The following HIVEP3 variants were observed in gnomAD, a reference collection of about 807,000 sequenced individuals.
HIVEP3 encodes transcription factor HIVEP3.
A neutral mutation model predicts 152.8 loss-of-function variants in HIVEP3; 49 were observed. The ratio of observed to expected loss-of-function variants is 0.32; its 90% CI spans 0.26 to 0.41. HIVEP3 has a LOEUF of 0.41. Among genes scored for constraint, HIVEP3 ranks in the 10% least tolerant of loss-of-function variants. The pLI, the probability that HIVEP3 is intolerant of heterozygous loss-of-function variation, is 1.00. For missense variants in HIVEP3, 2,790 were observed against 3,103.3 expected, an observed-to-expected ratio of 0.90 and a Z score of 2.40; for synonymous variants, 1,269 against 1,289.0, an observed-to-expected ratio of 0.98 and a Z score of 0.33.
intron 3 of HIVEP3, among the ~76,000 whole-genome samples, chr1:41,608,981 G>A (rs931098019): frequency 8.6e-5 from 13 of 151,930 alleles, no homozygotes; most frequent in African/African-American, 3.1e-4. Flanking sequence ...TTACTTGGAA[G>A]GTTGAGGCAG....
In HIVEP3 at chr1:41,508,367, G is replaced by C. The variant is rs1644405436; in HGVS notation, c.*2084C>G. On this transcript the variant is annotated 3_prime_UTR_variant, in exon 9 of 9. Coordinates refer to ENST00000372583, the MANE Select transcript of HIVEP3 (RefSeq NM_024503.5). ...AGCCCTGGCCTCCTGGGACTTGGAG[G>C]AGTCACTTTCTGTCAGGCCACTGTC... 1 of 152,302 alleles carries C rather than the reference G, an allele frequency of 6.6e-6. No homozygotes were observed. The highest frequency in any genetic ancestry group is 2.1e-4 in the South Asian group (1 of 4,836). The allele number at this position is 152,302 out of a possible 1,614,324, so 9.4% of individuals were successfully genotyped here.
intron 1 of HIVEP3, among the ~76,000 whole-genome samples, chr1:41,803,259 C>T (rs1413014228): frequency 2.0e-5 from 3 of 152,196 alleles, no homozygotes; most frequent in Admixed American, 6.5e-5. Context: ...TGACAGGCTG[C>T]GGAGTATGTG....
chr1:42,026,339 A>G (rs1645582151), intron 1 of HIVEP3, among the ~76,000 whole-genome samples: 1 of 152,186 alleles, frequency 6.6e-6, no homozygotes, highest in Non-Finnish European at 1.5e-5. Flanking sequence ...TAAAGTCTAT[A>G]TTTATTAGGA....
intron 1 of HIVEP3, among the ~76,000 whole-genome samples, chr1:41,984,951 T>C (rs1468573087): frequency 6.6e-6 from 1 of 151,042 alleles, no homozygotes; most frequent in East Asian, 1.9e-4. Context: ...ATGTAAGAAA[T>C]AAACAAGGCA....
chr1:41,602,658 T>TA (rs1455557948), intron 3 of HIVEP3, among the ~76,000 whole-genome samples: 1 of 152,112 alleles, frequency 6.6e-6, no homozygotes, highest in Admixed American at 6.5e-5. Context: ...TTTGTCAATT[T>TA]AAAAAATCTT....
intron 3 of HIVEP3, among the ~76,000 whole-genome samples, chr1:41,607,288 C>T (rs1281378898): frequency 6.6e-6 from 1 of 152,204 alleles, no homozygotes; most frequent in East Asian, 1.9e-4. Flanking sequence ...TGAGACTTTG[C>T]TCTGCTTTCT....
intron 5 of HIVEP3, among the ~76,000 whole-genome samples, chr1:41,529,132 A>C (rs1569766033): frequency 3.1e-5 from 2 of 64,754 alleles, no homozygotes; most frequent in African/African-American, 1.2e-4. Context: ...GCCCTCACAC[A>C]ACTCACCCTC....
intron 5 of HIVEP3, among the ~76,000 whole-genome samples, chr1:41,534,939 G>A (rs889647905): frequency 5.9e-5 from 9 of 152,192 alleles, no homozygotes; most frequent in Non-Finnish European, 1.2e-4. Flanking sequence ...CTCGCCAGGT[G>A]ACCTTGGGCA....
At chr1:41,653,290 TAAA>T (rs1645579339) in intron 2 of HIVEP3, among the ~76,000 whole-genome samples, 1 of 151,860 alleles carries the variant, frequency 6.6e-6, no homozygotes, top group African/African-American at 2.4e-5. Context: ...CAATTAATCT[TAAA>T]AAGCTGCACA....
intron 1 of HIVEP3, among the ~76,000 whole-genome samples, chr1:41,813,803 AC>A (rs1651105013): frequency 6.6e-6 from 1 of 152,148 alleles, no homozygotes; most frequent in African/African-American, 2.4e-5. Flanking sequence ...GCCAGCCTCG[AC>A]AAGAGACACA....
chr1:41,728,613 C>A (rs767893674), intron 1 of HIVEP3, among the ~76,000 whole-genome samples: 1 of 152,214 alleles, frequency 6.6e-6, no homozygotes, highest in South Asian at 2.1e-4. Context: ...GCCCCACTGA[C>A]AGTTCTCAGA....
chr1:41,666,618 G>A (rs1184880694), intron 2 of HIVEP3, among the ~76,000 whole-genome samples: 1 of 152,160 alleles, frequency 6.6e-6, no homozygotes, highest in Non-Finnish European at 1.5e-5. Context: ...CTTCATGGAT[G>A]TGGGCATCAA....
chr1:41,755,151 T>G (rs1647254803), intron 1 of HIVEP3, among the ~76,000 whole-genome samples: 1 of 152,212 alleles, frequency 6.6e-6, no homozygotes, highest in African/African-American at 2.4e-5. Context: ...TAGTTCCACA[T>G]GGCTACAGCC....
intron 2 of HIVEP3, among the ~76,000 whole-genome samples, chr1:41,652,263 GA>G (rs147803984): frequency 0.013 from 2,021 of 152,286 alleles, 40 homozygotes; most frequent in African/African-American, 0.045. Flanking sequence ...AATCCACAGA[GA>G]AAGAAAATTC....
chr1:41,572,136 T>C lies in HIVEP3; in HGVS notation c.5207+3408A>G, dbSNP rs568165379. On this transcript the variant is annotated intron_variant, in intron 5 of 8. Coordinates refer to ENST00000372583, the MANE Select transcript of HIVEP3 (RefSeq NM_024503.5). ...TGTTGGTGGGAAGTGGAAGGCTTGG[T>C]TTGCACATGCTAAGTGTGAGGTGTG... is the stretch of plus-strand genomic sequence containing the variant. Among the ~76,000 whole-genome samples the C allele has an allele frequency of 3.5e-4, 53 of 152,212 alleles. 1 individual carries two copies. The highest frequency in any genetic ancestry group is 1.3e-3 in the African/African-American group (52 of 41,510).
intron 1 of HIVEP3, among the ~76,000 whole-genome samples, chr1:42,018,791 T>C (rs1645537800): frequency 1.3e-5 from 2 of 152,136 alleles, no homozygotes; most frequent in Admixed American, 1.3e-4. Flanking sequence ...CCTCACTCCA[T>C]TAGTTTCCTC....
At chr1:41,627,059 ATCGGTCCCCGTGCTTCAGCCTGACC>A (rs1318058223) in intron 3 of HIVEP3, among the ~76,000 whole-genome samples, 2 of 152,224 alleles carry the variant, frequency 1.3e-5, no homozygotes, top group African/African-American at 4.8e-5. Context: ...GGGCAGCAGC[ATCGGTCCCCGTGCTTCAGCCTGACC>A]TCAGGGACAC....
At chr1:41,590,275 G>A (rs768123024) in intron 3 of HIVEP3, among the ~76,000 whole-genome samples, 1 of 152,230 alleles carries the variant, frequency 6.6e-6, no homozygotes, top group Non-Finnish European at 1.5e-5. Flanking sequence ...CAGGGATTGT[G>A]GCAGAGACTG....
In HIVEP3 at chr1:41,918,356, A is replaced by T. The variant is rs2124473116; in HGVS notation, c.-801+57T>A. ...CGGCCTCAGGCAAAAACACAATCAC[A>T]AGGTAAAATACAGCGCAAGGAATCC... On this transcript the variant is annotated intron_variant, in intron 1 of 8. Transcript: ENST00000372583. The surrounding 1 kb of genome is among the most constrained non-coding windows in gnomAD (Gnocchi z 4.3). 1 of 152,388 alleles carries T rather than the reference A, an allele frequency of 6.6e-6. No individual in the cohort carries two copies. The highest frequency in any genetic ancestry group is 1.9e-4 in the East Asian group (1 of 5,176). The allele number at this position is 152,388 out of a possible 1,614,324, so 9.4% of individuals were successfully genotyped here. A position where few individuals can be genotyped will look rare whatever the true frequency, so the allele number is the denominator to read the frequency against.
Sources: gnomAD v4.1 joint callset for allele counts (sites outside exome capture counted in the v4.1 genomes callset) on GRCh38, gnomAD v4.1.1 for gene constraint, Gnocchi (gnomAD v3.1) non-coding constraint, MANE v1.5 for transcripts, NCBI Gene and HGNC (gene_info 2026-07-23, HGNC 2026-07-21) for gene names.